The following LNX2 variants were observed in gnomAD, a reference collection of about 807,000 sequenced individuals.
The protein encoded by LNX2 is ligand of numb-protein X 2.
A neutral mutation model predicts 66.2 loss-of-function variants in LNX2; 35 were observed. The ratio of observed to expected loss-of-function variants is 0.53; its 90% CI spans 0.40 to 0.70. The LOEUF (loss-of-function observed/expected upper bound fraction) is 0.70, where lower values mean the gene tolerates loss of function less well. LNX2 is among the 30% of genes least tolerant of loss of function. LNX2 has a pLI of 0.00. For missense variants in LNX2, 791 were observed against 850.8 expected, an observed-to-expected ratio of 0.93 and a Z score of 0.87; for synonymous variants, 337 against 315.6, an observed-to-expected ratio of 1.07 and a Z score of -0.72.
In LNX2 at chr13:27,594,022, A is replaced by G. The variant is rs112384332; in HGVS notation, c.-100-12219T>C. Among the ~76,000 whole-genome samples the G allele has an allele frequency of 1.5e-3, 232 of 152,186 alleles. 1 individual carries two copies. Among genetic ancestry groups the G allele is most frequent in the Middle Eastern group, 6.8e-3 (2 of 294 alleles). ...ACTGTTGGACCAAAGTGAAAGGAAG[A>G]CTTCTGATTTACATTATAAAACTGC... On this transcript the variant is annotated intron_variant, in intron 1 of 9. Transcript: ENST00000316334.
In LNX2 at chr13:27,546,993, A is replaced by G. The variant is rs956639640; in HGVS notation, c.*1342T>C. ...CTAAAACCTACATTTCCAACAAAAC[A>G]GAACTTTTCTGTCTCCTACTTGAAA... On this transcript the variant is annotated 3_prime_UTR_variant, in exon 10 of 10. Coordinates refer to ENST00000316334, the MANE Select transcript of LNX2 (RefSeq NM_153371.4). The G allele has an allele frequency of 6.6e-6, 1 of 152,202 alleles. No individual in the cohort carries two copies. The highest frequency in any genetic ancestry group is 2.4e-5 in the African/African-American group (1 of 41,462). 9.4% of individuals were successfully genotyped at this position (152,202 alleles called of 1,614,324 possible).
intron 4 of LNX2, among the ~76,000 whole-genome samples, chr13:27,566,200 G>A (rs938630706): frequency 1.3e-5 from 2 of 152,136 alleles, no homozygotes; most frequent in Non-Finnish European, 2.9e-5. Context: ...AACTAATGTA[G>A]GAGGAATCAG....
intron 1 of LNX2, among the ~76,000 whole-genome samples, chr13:27,605,529 C>CT (rs1172983414): frequency 6.6e-6 from 1 of 152,198 alleles, no homozygotes; most frequent in Non-Finnish European, 1.5e-5. Context: ...TCTATCAAAA[C>CT]TTTAACTTTT....
At position 27,569,192 on chromosome 13, in the gene LNX2, C is replaced by T. The variant is rs1379416607; in HGVS notation, c.492G>A (p.Gly164=). 6.2e-7 allele frequency: 1 copy of T among 1,612,702 alleles called. No individual in the cohort carries two copies. The highest frequency in any genetic ancestry group is 8.5e-7 in the Non-Finnish European group (1 of 1,179,446). Residue 164 remains glycine (G), a synonymous_variant, in exon 3 of 10, where the codon GGG becomes GGA. Transcript: ENST00000316334. ...RTQAEIENEN[G]PTLLDPAGTL... is the part of the protein sequence containing the mutation. ...TACCTGCAGGATCTAGTAGAGTGGG[C>T]CCATTTTCATTCTCAATCTCTGCTT...
Position 27,559,881 on chromosome 13 carries a change from G to A in LNX2, c.1329C>T (p.His443=). Reference sequence around the variant, plus strand: ...GTCTGCTATAATACGGTGGTGGTGTGTGGTGCTGGCTGCTGCTGCTATGAT... The same window carrying A: ...GTCTGCTATAATACGGTGGTGGTGTATGGTGCTGGCTGCTGCTGCTATGAT... The part of the protein sequence containing the change: ...AGNHSSSSQH[H]TPPPYYSRPS... Residue 443 remains histidine (H), a synonymous_variant, in exon 6 of 10, where the codon CAC becomes CAT. Coordinates refer to ENST00000316334, the MANE Select transcript of LNX2 (RefSeq NM_153371.4). 6.2e-7 allele frequency: 1 copy of A among 1,610,486 alleles called. No homozygotes were observed. Among genetic ancestry groups the A allele is most frequent in the Non-Finnish European group, 8.5e-7 (1 of 1,177,696 alleles).
At chr13:27,613,198 C>T (rs1955790959) in intron 1 of LNX2, among the ~76,000 whole-genome samples, 1 of 152,080 alleles carries the variant, frequency 6.6e-6, no homozygotes, top group Non-Finnish European at 1.5e-5. Context: ...CAGTGGGAAG[C>T]ATATTCCAGG....
intron 6 of LNX2, among the ~76,000 whole-genome samples, chr13:27,557,797 C>A (rs1955081595): frequency 6.6e-6 from 1 of 151,942 alleles, no homozygotes; most frequent in African/African-American, 2.4e-5. Context: ...AATGTTATGA[C>A]CAAGGAGAAA....
At chr13:27,580,220 T>G (rs1264639273) in intron 2 of LNX2, among the ~76,000 whole-genome samples, 2 of 152,204 alleles carry the variant, frequency 1.3e-5, no homozygotes, top group East Asian at 3.8e-4. Flanking sequence ...TTTATTAGAA[T>G]AGTAAACAAG....
chr13:27,554,200 A>G (rs531359056), intron 7 of LNX2, among the ~76,000 whole-genome samples: 40 of 152,238 alleles, frequency 2.6e-4, no homozygotes, highest in Non-Finnish European at 4.7e-4. Context: ...ACAATAAAAG[A>G]ACAAAAAGGA....
chr13:27,547,980 T>G lies in LNX2; in HGVS notation c.*355A>C, dbSNP rs972433606. 1 of 238,352 alleles carries G rather than the reference T, an allele frequency of 4.2e-6. No homozygotes were observed. The highest frequency in any genetic ancestry group is 2.3e-5 in the African/African-American group (1 of 44,228). The allele number at this position is 238,352 out of a possible 1,614,324, so 14.8% of individuals were successfully genotyped here. Reference sequence around the variant, plus strand: ...ACATCAGGCCTGAGGGATACAGAACTCGTTCTATGATTCAGTTACTGAAAA... The same window carrying G: ...ACATCAGGCCTGAGGGATACAGAACGCGTTCTATGATTCAGTTACTGAAAA... On this transcript the variant is annotated 3_prime_UTR_variant, in exon 10 of 10. Transcript: ENST00000316334.
At chr13:27,565,717 T>C (rs1381716332) in intron 4 of LNX2, among the ~76,000 whole-genome samples, 1 of 152,212 alleles carries the variant, frequency 6.6e-6, no homozygotes, top group Non-Finnish European at 1.5e-5. Flanking sequence ...AAAAAAACAC[T>C]GTTTGAAAGC....
chr13:27,583,249 T>TGCGCGCGCGC (rs1566124848), intron 1 of LNX2, among the ~76,000 whole-genome samples: 1 of 46,774 alleles, frequency 2.1e-5, no homozygotes, highest in Admixed American at 2.0e-4. Context: ...TGTGTGTGTG[T>TGCGCGCGCGC]GTGTGTGCGC....
chr13:27,553,127 G>A (rs1230051298), intron 8 of LNX2, 81 bp downstream of exon 8: 2 of 1,135,262 alleles, frequency 1.8e-6, no homozygotes, highest in African/African-American at 3.1e-5. Context: ...ATCCCAACGA[G>A]TAAATTTATC....
At chr13:27,571,845 A>G (rs768131272) in intron 2 of LNX2, among the ~76,000 whole-genome samples, 13 of 152,236 alleles carry the variant, frequency 8.5e-5, no homozygotes, top group Non-Finnish European at 1.3e-4. Context: ...GAAAAACTCA[A>G]CATTTGTGGA....
chr13:27,548,476 C>T lies in LNX2; in HGVS notation c.1938-6G>A. ...CCACAATCATGTCACCACACCTGGA[C>T]AAAGAGAGACAGATACAGAATGTTA... On this transcript the variant is annotated splice_region_variant and splice_polypyrimidine_tract_variant and intron_variant, in intron 9 of 9. Transcript: ENST00000316334. 2.5e-6 allele frequency: 4 copies of T among 1,607,470 alleles called. No homozygotes were observed. Among genetic ancestry groups the T allele is most frequent in the Non-Finnish European group, 3.4e-6 (4 of 1,177,890 alleles).
intron 1 of LNX2, among the ~76,000 whole-genome samples, chr13:27,608,842 T>C (rs886114762): frequency 8.8e-5 from 11 of 125,416 alleles, no homozygotes; most frequent in African/African-American, 3.3e-4. Flanking sequence ...TCTTGTTCTG[T>C]CATCCAGGCT....
At chr13:27,602,859 A>AT (rs369354173) in intron 1 of LNX2, among the ~76,000 whole-genome samples, 45 of 151,742 alleles carry the variant, frequency 3.0e-4, no homozygotes, top group African/African-American at 1.1e-3. Flanking sequence ...AATTTTAGCC[A>AT]TTGTGTTATG....
chr13:27,569,520 T>TA (rs1955251688), intron 2 of LNX2, among the ~76,000 whole-genome samples: 1 of 152,162 alleles, frequency 6.6e-6, no homozygotes, highest in African/African-American at 2.4e-5. Flanking sequence ...AATACGTCAG[T>TA]AAAAAATTGT....
At position 27,569,048 on chromosome 13, in the gene LNX2, C is replaced by A. The variant is rs35560528; in HGVS notation, c.636G>T (p.Glu212Asp). 4,032 of 1,613,440 alleles carry A rather than the reference C, an allele frequency of 2.5e-3. 9 individuals are homozygous for A. Among genetic ancestry groups the A allele is most frequent in the Non-Finnish European group, 3.2e-3 (3,808 of 1,179,812 alleles). The change falls in exon 3 of 10, where the codon GAG becomes GAT. Residue 212 changes from glutamate (E) to aspartate (D), a missense_variant. Glu to Asp is a conservative substitution (Grantham distance 45, BLOSUM62 2). Coordinates refer to ENST00000316334, the MANE Select transcript of LNX2 (RefSeq NM_153371.4). ...EEPGLDNPAF[E>D]ESAGADTTQQ... Reference sequence around the variant, plus strand: ...ACATACTGTCAGCTCCAGCGCTCTCCTCAAAGGCAGGGTTGTCAAGGCCAG... The same window carrying A: ...ACATACTGTCAGCTCCAGCGCTCTCATCAAAGGCAGGGTTGTCAAGGCCAG...
Sources: gnomAD v4.1 joint callset for allele counts (sites outside exome capture counted in the v4.1 genomes callset) on GRCh38, gnomAD v4.1.1 for gene constraint, MANE v1.5 for transcripts, NCBI Gene and HGNC (gene_info 2026-07-23, HGNC 2026-07-21) for gene names.